SLC38A12: variants seen among roughly 807,000 people sequenced by gnomAD.
The protein encoded by SLC38A12 is putative sodium-coupled neutral amino acid transporter 12.
chr17:74,819,111 G>T, the SLC38A12 span, among the ~76,000 whole-genome samples: 7 of 152,328 alleles, frequency 4.6e-5, no homozygotes, highest in South Asian at 1.4e-3. Flanking sequence ...GGTTTTCCTA[G>T]ATGCAGCTCC....
the SLC38A12 span, chr17:74,785,662 C>T: frequency 6.3e-7 from 1 of 1,581,476 alleles, no homozygotes; most frequent in South Asian, 1.1e-5. Context: ...GGGAGTCAGC[C>T]CAGGAAGCCC....
the SLC38A12 span, among the ~76,000 whole-genome samples, chr17:74,797,911 TGGGCCCCAGAG>T: frequency 3.7e-4 from 56 of 152,210 alleles, no homozygotes; most frequent in Non-Finnish European, 6.8e-4. Flanking sequence ...AGTGGCCCCT[TGGGCCCCAGAG>T]GAGGAGGGCT....
the SLC38A12 span, among the ~76,000 whole-genome samples, chr17:74,791,892 A>G: frequency 6.6e-6 from 1 of 152,216 alleles, no homozygotes; most frequent in Admixed American, 6.5e-5. Context: ...AACTCCTGTA[A>G]TCCCAGCACT....
At chr17:74,786,931 G>A in the SLC38A12 span, among the ~76,000 whole-genome samples, 1 of 152,150 alleles carries the variant, frequency 6.6e-6, no homozygotes, top group South Asian at 2.1e-4. Flanking sequence ...CTCCCAGGCA[G>A]GGGGTACCAC....
At chr17:74,832,437 C>A in the SLC38A12 span, among the ~76,000 whole-genome samples, 1 of 152,246 alleles carries the variant, frequency 6.6e-6, no homozygotes, top group Non-Finnish European at 1.5e-5. Flanking sequence ...TCTGCCTCAA[C>A]TGGGGCCATT....
the SLC38A12 span, among the ~76,000 whole-genome samples, chr17:74,831,742 G>A: frequency 0.011 from 1,747 of 152,322 alleles, 14 homozygotes; most frequent in Middle Eastern, 0.02. Flanking sequence ...TGAAGTCCTG[G>A]GTGTCTGGTC....
At chr17:74,793,361 G>A in the SLC38A12 span, among the ~76,000 whole-genome samples, 13 of 152,134 alleles carry the variant, frequency 8.5e-5, no homozygotes, top group African/African-American at 2.9e-4. Context: ...GCAGGGTCTG[G>A]GAGGCAAAAT....
At chr17:74,805,163 A>G in the SLC38A12 span, among the ~76,000 whole-genome samples, 1 of 152,188 alleles carries the variant, frequency 6.6e-6, no homozygotes, top group Non-Finnish European at 1.5e-5. This position sits in a 1 kb window ranked among gnomAD's most constrained non-coding sequence, Gnocchi z 5.0. Flanking sequence ...TCTCCCGGGG[A>G]GAGGCCTACT....
At chr17:74,810,180 G>A in the SLC38A12 span, among the ~76,000 whole-genome samples, 2 of 152,344 alleles carry the variant, frequency 1.3e-5, no homozygotes, top group African/African-American at 2.4e-5. Context: ...CCAGCTTGGC[G>A]TGAGCAGCCA....
chr17:74,835,116 G>A, the SLC38A12 span, among the ~76,000 whole-genome samples: 1 of 152,218 alleles, frequency 6.6e-6, no homozygotes, highest in Non-Finnish European at 1.5e-5. Flanking sequence ...AACGCAAGCT[G>A]TTTGCTCTGA....
chr17:74,788,834 C>T, the SLC38A12 span: 10 of 1,613,522 alleles, frequency 6.2e-6, no homozygotes, highest in East Asian at 8.9e-5. Context: ...CTGCAGCCAA[C>T]GCGCAGCTCC....
the SLC38A12 span, among the ~76,000 whole-genome samples, chr17:74,827,598 A>G: frequency 1.3e-5 from 2 of 152,100 alleles, no homozygotes; most frequent in African/African-American, 4.8e-5. The surrounding 1 kb of genome is among the most constrained non-coding windows in gnomAD (Gnocchi z 4.7). Context: ...GCCCGGCCGC[A>G]TCTGCATTTT....
At chr17:74,800,926 A>G in the SLC38A12 span, among the ~76,000 whole-genome samples, 1 of 152,248 alleles carries the variant, frequency 6.6e-6, no homozygotes, top group African/African-American at 2.4e-5. Flanking sequence ...CAGGACCCTC[A>G]GCCCAGAAAG....
the SLC38A12 span, among the ~76,000 whole-genome samples, chr17:74,835,752 C>T: frequency 6.6e-6 from 1 of 152,326 alleles, no homozygotes; most frequent in South Asian, 2.1e-4. Context: ...GGATGCGGGA[C>T]CTTCCTCTGA....
At chr17:74,785,750 C>A in the SLC38A12 span, 1 of 1,165,916 alleles carries the variant, frequency 8.6e-7, no homozygotes, top group Non-Finnish European at 1.2e-6. Context: ...CCAGGGTATT[C>A]AGAGAGGGGA....
chr17:74,812,410 C>T, the SLC38A12 span, among the ~76,000 whole-genome samples: 13 of 152,290 alleles, frequency 8.5e-5, no homozygotes, highest in African/African-American at 2.4e-4. Flanking sequence ...CAAACCAAAA[C>T]GTTCACAGCC....
At chr17:74,807,645 G>A in the SLC38A12 span, among the ~76,000 whole-genome samples, 1 of 152,258 alleles carries the variant, frequency 6.6e-6, no homozygotes, top group South Asian at 2.1e-4. Context: ...TTGGGGGGCA[G>A]AAGTAGAAGG....
At chr17:74,807,047 A>G in the SLC38A12 span, among the ~76,000 whole-genome samples, 14 of 151,418 alleles carry the variant, frequency 9.2e-5, no homozygotes, top group Non-Finnish European at 1.5e-5. Context: ...CAAAGTCTAA[A>G]CTCCCTCACG....
chr17:74,791,582 T>G, the SLC38A12 span, among the ~76,000 whole-genome samples: 5 of 152,278 alleles, frequency 3.3e-5, no homozygotes, highest in Admixed American at 6.5e-5. Context: ...TGGCCGATTC[T>G]GTCTAGAATA....
Sources: allele counts gnomAD v4.1 joint callset (sites outside exome capture counted in the v4.1 genomes callset), GRCh38; gene constraint gnomAD v4.1.1; non-coding constraint Gnocchi (gnomAD v3.1); transcripts MANE v1.5; gene names NCBI Gene and HGNC (gene_info 2026-07-23, HGNC 2026-07-21).